Variants in LPAR3 observed in about 807,000 individuals in gnomAD.
The protein encoded by LPAR3 is lysophosphatidic acid receptor 3.
LPAR3 carries 7 observed loss-of-function variants against 17.8 expected under a neutral mutation model. The ratio of observed to expected loss-of-function variants is 0.39; its 90% CI spans 0.22 to 0.74. The LOEUF is 0.74. Ranked by LOEUF, LPAR3 falls within the 30% of genes least tolerant of loss-of-function variation. The pLI, the probability that LPAR3 is intolerant of heterozygous loss-of-function variation, is 0.40. For synonymous variants in LPAR3, 179 were observed against 179.9 expected, an observed-to-expected ratio of 0.99 and a Z score of 0.04; for missense variants, 391 against 453.4, an observed-to-expected ratio of 0.86 and a Z score of 1.25.
Position 84,865,822 on chromosome 1 carries a change from T to A in LPAR3, c.299A>T (p.Asn100Ile). Residue 100 changes from asparagine to isoleucine, a missense_variant, in exon 2 of 3, where the codon AAC becomes ATC. Physicochemically the swap from Asn to Ile is moderately radical, Grantham distance 149 (BLOSUM62 -3). Coordinates refer to ENST00000370611, the MANE Select transcript of LPAR3 (RefSeq NM_012152.3). ...TGPVSKTLTVNRWFLRQGLLD... is the reference protein window; with the variant it reads ...TGPVSKTLTVIRWFLRQGLLD... ...AAGCCCCTGACGGAGAAACCAGCGG[T>A]TGACAGTCAAAGTTTTTGAAACTGG... 1 of 1,614,146 alleles carries A rather than the reference T, an allele frequency of 6.2e-7. No individual in the cohort carries two copies. The highest frequency in any genetic ancestry group is 1.1e-5 in the South Asian group (1 of 91,080).
At chr1:84,822,688 G>T (rs1004068691) in intron 2 of LPAR3, among the ~76,000 whole-genome samples, 1 of 152,182 alleles carries the variant, frequency 6.6e-6, no homozygotes, top group African/African-American at 2.4e-5. Context: ...TCACTGGAAC[G>T]TATTTAAGAT....
At chr1:84,890,800 T>C (rs1660539274) in intron 1 of LPAR3, among the ~76,000 whole-genome samples, 1 of 152,154 alleles carries the variant, frequency 6.6e-6, no homozygotes, top group South Asian at 2.1e-4. Context: ...CCCAAAGAAA[T>C]AAGAGGCGGG....
chr1:84,826,399 T>G (rs970950425), intron 2 of LPAR3, among the ~76,000 whole-genome samples: 1 of 152,034 alleles, frequency 6.6e-6, no homozygotes, highest in Non-Finnish European at 1.5e-5. Flanking sequence ...GCTGACATTT[T>G]CTTTGAATGG....
intron 2 of LPAR3, among the ~76,000 whole-genome samples, chr1:84,833,620 G>C (rs1659335505): frequency 6.6e-6 from 1 of 152,226 alleles, no homozygotes; most frequent in African/African-American, 2.4e-5. Flanking sequence ...GTGGCTTCTA[G>C]AGCCAGACCG....
chr1:84,880,518 G>T (rs1480106705), intron 1 of LPAR3, among the ~76,000 whole-genome samples: 4 of 152,226 alleles, frequency 2.6e-5, no homozygotes, highest in African/African-American at 4.8e-5. Flanking sequence ...AGGCAGGTCT[G>T]TAGTAATGAT....
chr1:84,839,233 A>C (rs1368600134), intron 2 of LPAR3, among the ~76,000 whole-genome samples: 2 of 152,192 alleles, frequency 1.3e-5, no homozygotes, highest in Non-Finnish European at 2.9e-5. Flanking sequence ...CAGAACTCCC[A>C]GTGTTTATTA....
At chr1:84,841,262 T>C (rs1659497936) in intron 2 of LPAR3, among the ~76,000 whole-genome samples, 1 of 152,210 alleles carries the variant, frequency 6.6e-6, no homozygotes, top group African/African-American at 2.4e-5. Flanking sequence ...TCATGAAAAT[T>C]TGTATTTACT....
chr1:84,875,173 G>A (rs1660232721), intron 1 of LPAR3, among the ~76,000 whole-genome samples: 2 of 152,162 alleles, frequency 1.3e-5, no homozygotes, highest in Admixed American at 6.5e-5. Context: ...GTGCTGAGAT[G>A]ACAGACGTGA....
At chr1:84,885,370 T>C (rs1660440440) in intron 1 of LPAR3, among the ~76,000 whole-genome samples, 1 of 152,220 alleles carries the variant, frequency 6.6e-6, no homozygotes, top group African/African-American at 2.4e-5. Context: ...CGGCTATTAC[T>C]TGCCAACAAG....
chr1:84,850,800 A>C (rs1441713704), intron 2 of LPAR3, among the ~76,000 whole-genome samples: 1 of 152,252 alleles, frequency 6.6e-6, no homozygotes, highest in Non-Finnish European at 1.5e-5. Flanking sequence ...CCTGCATTCC[A>C]GGAAGCAATT....
At chr1:84,871,363 G>A (rs1023533416) in intron 1 of LPAR3, among the ~76,000 whole-genome samples, 1 of 152,150 alleles carries the variant, frequency 6.6e-6, no homozygotes, top group Non-Finnish European at 1.5e-5. Context: ...CCCAGAATGT[G>A]GAAACAATTA....
intron 2 of LPAR3, among the ~76,000 whole-genome samples, chr1:84,831,655 A>G (rs940307069): frequency 1.3e-5 from 2 of 151,822 alleles, no homozygotes; most frequent in African/African-American, 4.8e-5. Context: ...GGATTCTTTC[A>G]AACTATGACA....
chr1:84,833,051 G>A (rs1659320628), intron 2 of LPAR3, among the ~76,000 whole-genome samples: 1 of 152,112 alleles, frequency 6.6e-6, no homozygotes, highest in African/African-American at 2.4e-5. Context: ...ACGCTTAAAT[G>A]GTTCTTTCTT....
chr1:84,877,208 A>G (rs191660829), intron 1 of LPAR3, among the ~76,000 whole-genome samples: 1 of 152,230 alleles, frequency 6.6e-6, no homozygotes, highest in Non-Finnish European at 1.5e-5. Flanking sequence ...TGACAACCTG[A>G]GCCAAGGGGA....
chr1:84,876,137 G>C (rs1021707304), intron 1 of LPAR3, among the ~76,000 whole-genome samples: 2 of 152,230 alleles, frequency 1.3e-5, no homozygotes, highest in Non-Finnish European at 2.9e-5. Context: ...GCTATGCCTT[G>C]GTTAGGAAGC....
intron 2 of LPAR3, among the ~76,000 whole-genome samples, chr1:84,841,588 A>G (rs1419335646): frequency 1.3e-5 from 2 of 152,218 alleles, no homozygotes; most frequent in Non-Finnish European, 2.9e-5. Flanking sequence ...AAAAACTAAA[A>G]TAAATAAATA....
intron 1 of LPAR3, among the ~76,000 whole-genome samples, chr1:84,870,527 C>G (rs1660140551): frequency 6.6e-6 from 1 of 152,226 alleles, no homozygotes; most frequent in African/African-American, 2.4e-5. Context: ...GTAGCGAGCT[C>G]TGTCACCTAT....
chr1:84,886,279 C>T (rs984387548), intron 1 of LPAR3, among the ~76,000 whole-genome samples: 1 of 152,176 alleles, frequency 6.6e-6, no homozygotes, highest in Non-Finnish European at 1.5e-5. Context: ...GTAATCCCAG[C>T]ACCTGGGATG....
At chr1:84,882,594 A>G (rs983036918) in intron 1 of LPAR3, among the ~76,000 whole-genome samples, 2 of 152,224 alleles carry the variant, frequency 1.3e-5, no homozygotes, top group African/African-American at 4.8e-5. Flanking sequence ...ACATACTACA[A>G]AGCTATGTAT....
Sources: allele counts gnomAD v4.1 joint callset (sites outside exome capture counted in the v4.1 genomes callset), GRCh38; gene constraint gnomAD v4.1.1; transcripts MANE v1.5; gene names NCBI Gene and HGNC (gene_info 2026-07-23, HGNC 2026-07-21).